SLC26A5: variants seen among roughly 807,000 people sequenced by gnomAD.
SLC26A5 encodes the protein prestin.
Under a neutral mutation model 81.0 loss-of-function variants are expected in SLC26A5, and 51 were observed. The observed-to-expected ratio is 0.63, with a 90% CI of 0.50 to 0.80. SLC26A5 has a LOEUF of 0.80. SLC26A5 is among the 30% of genes least tolerant of loss of function. The probability of loss-of-function intolerance (pLI) is 0.00; values close to 1 mark genes in which losing one functional copy is unlikely to be tolerated. For missense variants in SLC26A5, 771 were observed against 905.8 expected (o/e 0.85, Z 1.91); for synonymous variants, 325 against 332.8 (o/e 0.98, Z 0.25).
At chr7:103,400,023 A>G (rs1475395514) in intron 8 of SLC26A5, among the ~76,000 whole-genome samples, 1 of 151,930 alleles carries the variant, frequency 6.6e-6, no homozygotes, top group African/African-American at 2.4e-5. Flanking sequence ...TAGTGCTGCA[A>G]TAAACACATG....
At chr7:103,419,195 A>G (rs558737147) in intron 4 of SLC26A5, among the ~76,000 whole-genome samples, 1 of 152,246 alleles carries the variant, frequency 6.6e-6, no homozygotes, top group Non-Finnish European at 1.5e-5. Context: ...CTTTTTCTTT[A>G]TAAATTACCA....
chr7:103,421,279 A>T (rs1935390313), intron 3 of SLC26A5, 84 bp downstream of exon 3: 2 of 1,481,622 alleles, frequency 1.3e-6, no homozygotes, highest in Non-Finnish European at 1.9e-6. Flanking sequence ...CCACTTCACC[A>T]AACAGATTTT....
At chr7:103,368,264 G>GT (rs1489910097) in intron 19 of SLC26A5, 5 of 502,322 alleles carry the variant, frequency 1.0e-5, no homozygotes, top group Non-Finnish European at 1.7e-5. Context: ...ACCCACACCC[G>GT]TTTAAGGATT....
Position 103,374,454 on chromosome 7 carries a change from G to T in SLC26A5, c.2180C>A (p.Pro727His). The change falls in exon 20 of 20, where the codon CCC becomes CAC. Residue 727 changes from proline (P) to histidine (H), a missense_variant. Physicochemically the swap from Pro to His is moderately conservative, Grantham distance 77 (BLOSUM62 -2). Coordinates refer to ENST00000306312, the MANE Select transcript of SLC26A5 (RefSeq NM_198999.3). Reference protein sequence around the residue: ...EALAEQEASAPPSQEDLEPNA... With the variant: ...EALAEQEASAHPSQEDLEPNA... ...GGGCTCCAAGTCCTCCTGGGAAGGG[G>T]GAGCCGAGGCTTCCTGTTCAGCAAG... The T allele has an allele frequency of 6.2e-7, 1 of 1,613,162 alleles. No individual in the cohort carries two copies. The highest frequency in any genetic ancestry group is 2.2e-5 in the East Asian group (1 of 44,876).
intron 11 of SLC26A5, 66 bp from the exon 12 acceptor site, chr7:103,390,572 G>A (rs1032117067): frequency 3.1e-5 from 42 of 1,353,932 alleles, no homozygotes; most frequent in Non-Finnish European, 4.3e-5. Flanking sequence ...GGCATAAGTT[G>A]GTTTTATTCT....
chr7:103,417,395 AT>A (rs1825006422), intron 4 of SLC26A5, among the ~76,000 whole-genome samples: 1 of 151,602 alleles, frequency 6.6e-6, no homozygotes, highest in African/African-American at 2.4e-5. Flanking sequence ...AGAAAAAAAA[AT>A]AGAAATAATT....
intron 16 of SLC26A5, among the ~76,000 whole-genome samples, 184 bp downstream of exon 16, chr7:103,379,059 C>A (rs1821578072): frequency 6.6e-6 from 1 of 152,142 alleles, no homozygotes; most frequent in African/African-American, 2.4e-5. Context: ...ATGCGACCCA[C>A]TGGACTGTAT....
rs374849558 is a variant in SLC26A5 at position 103,392,918 on chromosome 7, C to T, written c.1119+1G>A. On this transcript the variant is annotated splice_donor_variant, in intron 10 of 19. Coordinates refer to ENST00000306312, the MANE Select transcript of SLC26A5 (RefSeq NM_198999.3). LOFTEE classifies it high-confidence loss of function. ...ATGTGCAGGAAACTGATTATCTTTA[C>T]CTGATTGCCGTCAACCTGGTAGCCA... The T allele has an allele frequency of 2.5e-6, 4 of 1,613,910 alleles. No individual in the cohort carries two copies. Among genetic ancestry groups the T allele is most frequent in the Non-Finnish European group, 3.4e-6 (4 of 1,179,918 alleles).
chr7:103,357,338 A>G (rs546975482), intron 19 of SLC26A5, among the ~76,000 whole-genome samples: 93 of 151,968 alleles, frequency 6.1e-4, no homozygotes, highest in African/African-American at 1.8e-3. Context: ...AAAAAAAAAA[A>G]AAAAGAAAAG....
intron 19 of SLC26A5, chr7:103,363,291 C>T: frequency 7.2e-7 from 1 of 1,389,752 alleles, no homozygotes; most frequent in Non-Finnish European, 1.0e-6. Flanking sequence ...TGAATTTGGA[C>T]AGTATCCAAA....
At chr7:103,405,182 T>C (rs918703493) in intron 8 of SLC26A5, among the ~76,000 whole-genome samples, 1 of 152,226 alleles carries the variant, frequency 6.6e-6, no homozygotes, top group African/African-American at 2.4e-5. Context: ...AGCTTACTTC[T>C]GTCCATTCGT....
At chr7:103,376,371 C>G (rs113144382) in intron 19 of SLC26A5, among the ~76,000 whole-genome samples, 5 of 152,140 alleles carry the variant, frequency 3.3e-5, no homozygotes, top group African/African-American at 1.2e-4. Context: ...TCACAACACC[C>G]GGCCTCAAGC....
intron 19 of SLC26A5, chr7:103,352,938 G>C (rs1186221404): frequency 1.3e-6 from 1 of 780,810 alleles, no homozygotes; most frequent in Admixed American, 1.7e-5. Context: ...TGAAACAAGA[G>C]GGTAGAGTGA....
chr7:103,374,852 C>A (rs1821239366), intron 19 of SLC26A5, among the ~76,000 whole-genome samples: 1 of 151,196 alleles, frequency 6.6e-6, no homozygotes, highest in South Asian at 2.1e-4. Context: ...CACTCCAATT[C>A]ATGTCTCCAC....
At chr7:103,386,081 C>T (rs1822170439) in intron 14 of SLC26A5, among the ~76,000 whole-genome samples, 1 of 151,984 alleles carries the variant, frequency 6.6e-6, no homozygotes, top group Admixed American at 6.5e-5. Context: ...GTGTGCACCA[C>T]CACACCCAGC....
At chr7:103,362,362 G>A (rs919672004) in intron 19 of SLC26A5, 8 of 1,348,918 alleles carry the variant, frequency 5.9e-6, no homozygotes, top group African/African-American at 1.5e-5. Context: ...CATGGTATAG[G>A]TTGGGGGAGT....
At chr7:103,368,842 T>C (rs2116284058) in intron 19 of SLC26A5, 1 of 152,316 alleles carries the variant, frequency 6.6e-6, no homozygotes, top group Admixed American at 6.5e-5. Flanking sequence ...TTTTACAAAT[T>C]ACTTTAAAAT....
At chr7:103,356,640 G>A (rs777848553) in intron 19 of SLC26A5, among the ~76,000 whole-genome samples, 11 of 151,984 alleles carry the variant, frequency 7.2e-5, no homozygotes, top group Non-Finnish European at 1.6e-4. Context: ...TTGTTCTTGG[G>A]TTGTTTCTTG....
rs1175685829 is a variant in SLC26A5, at chr7:103,364,895, G to A, written c.2041+11913C>T. On this transcript the variant is annotated intron_variant, in intron 19 of 19. Coordinates refer to the SLC26A5 transcript ENST00000339444. ...TTAAAAAGTATACTTTTACTTCAGG[G>A]GCAGTGTTTTCAGTCCTAATGAGAA... is the stretch of plus-strand genomic sequence containing the variant. Among the ~76,000 whole-genome samples, 5 of 149,236 alleles carry A rather than the reference G, an allele frequency of 3.4e-5. No individual in the cohort carries two copies. In the East Asian group the frequency reaches 9.9e-4, roughly 30 times the overall value.
Sources: allele counts gnomAD v4.1 joint callset (sites outside exome capture counted in the v4.1 genomes callset), GRCh38; gene constraint gnomAD v4.1.1; transcripts MANE v1.5; gene names NCBI Gene and HGNC (gene_info 2026-07-23, HGNC 2026-07-21).